The following SSBP1 variants were observed in gnomAD, a reference collection of about 807,000 sequenced individuals.
SSBP1 encodes the protein single-stranded DNA-binding protein, mitochondrial.
SSBP1 carries 20 observed loss-of-function variants against 27.0 expected under a neutral mutation model. The observed-to-expected ratio is 0.74, with a 90% CI of 0.52 to 1.08. The LOEUF is 1.08. SSBP1 is among the 50% of genes least tolerant of loss of function. The probability of loss-of-function intolerance (pLI) is 0.00; values close to 1 mark genes in which losing one functional copy is unlikely to be tolerated. For synonymous variants in SSBP1, 59 were observed against 59.3 expected (o/e 1.00, Z 0.02); for missense variants, 137 against 182.4 (o/e 0.75, Z 1.44).
At chr7:141,749,721 G>A (rs1466037660) in intron 6 of SSBP1, among the ~76,000 whole-genome samples, 1 of 152,208 alleles carries the variant, frequency 6.6e-6, no homozygotes, top group Non-Finnish European at 1.5e-5. Flanking sequence ...GGCAGAGGTT[G>A]CAGTAAGCTG....
chr7:141,738,367 A>C lies in SSBP1; in HGVS notation c.-87A>C, dbSNP rs1210782916. 2 of 152,364 alleles carry C rather than the reference A, an allele frequency of 1.3e-5. No homozygotes were observed. The highest frequency in any genetic ancestry group is 2.9e-5 in the Non-Finnish European group (2 of 68,110). The allele number at this position is 152,364 out of a possible 1,614,324, so 9.4% of individuals were successfully genotyped here. On this transcript the variant is annotated 5_prime_UTR_variant, in exon 1 of 7. Coordinates refer to ENST00000265304, the MANE Select transcript of SSBP1 (RefSeq NM_003143.3). ...GAGCTTTGCGTTCCCTGTGCGCCGG[A>C]AGTGATCCCCTGCGTGGCTGGGCTG... is the stretch of plus-strand genomic sequence containing the variant.
At chr7:141,748,289 A>AT (rs1486866540) in intron 6 of SSBP1, among the ~76,000 whole-genome samples, 1 of 152,052 alleles carries the variant, frequency 6.6e-6, no homozygotes, top group Non-Finnish European at 1.5e-5. Flanking sequence ...ATTACTGTTA[A>AT]TTTTTTTACT....
chr7:141,749,219 G>A (rs755702989), intron 6 of SSBP1, among the ~76,000 whole-genome samples: 3 of 152,148 alleles, frequency 2.0e-5, no homozygotes, highest in Non-Finnish European at 4.4e-5. Context: ...ATGATTTAAA[G>A]TATATAAGAG....
intron 6 of SSBP1, among the ~76,000 whole-genome samples, chr7:141,748,113 G>T (rs774542246): frequency 1.3e-5 from 2 of 151,396 alleles, no homozygotes; most frequent in Non-Finnish European, 2.9e-5. Flanking sequence ...GTCAGCTGAT[G>T]GACAGTGTTA....
At chr7:141,744,493 G>A (rs1297633970) in intron 5 of SSBP1, among the ~76,000 whole-genome samples, 1 of 152,108 alleles carries the variant, frequency 6.6e-6, no homozygotes, top group East Asian at 1.9e-4. Context: ...GTTCCCTTTT[G>A]GAAGGCTTGG....
intron 2 of SSBP1, 122 bp from the exon 3 acceptor site, chr7:141,742,042 GCTTCT>G (rs1799554997): frequency 1.4e-6 from 1 of 715,094 alleles, no homozygotes; most frequent in Admixed American, 2.6e-5. Context: ...CATGAGAAGA[GCTTCT>G]CTTCTCTTCT....
intron 6 of SSBP1, among the ~76,000 whole-genome samples, chr7:141,749,099 G>T (rs1799881759): frequency 6.6e-6 from 1 of 152,056 alleles, no homozygotes; most frequent in African/African-American, 2.4e-5. Context: ...GTGAAAAAAA[G>T]AAACCAATAA....
intron 6 of SSBP1, 173 bp downstream of exon 6, chr7:141,745,757 A>G: frequency 7.4e-7 from 1 of 1,348,234 alleles, no homozygotes; most frequent in Non-Finnish European, 9.6e-7. Context: ...TTGTACATTT[A>G]TCCCTTCCTT....
intron 6 of SSBP1, among the ~76,000 whole-genome samples, chr7:141,748,964 T>TGGTCATGACTATGG (rs1353119554): frequency 7.9e-5 from 12 of 152,206 alleles, no homozygotes; most frequent in African/African-American, 2.9e-4. Context: ...TGAACAAATA[T>TGGTCATGACTATGG]TCAGTCCTTG....
chr7:141,742,164 T>C lies in SSBP1; in HGVS notation c.25-5T>C. ...AAGCCATGTTATTCATTTGTTCTTC[T>C]TTAGGTACTTCGTCAGTTTGTAAGA... On this transcript the variant is annotated splice_region_variant and splice_polypyrimidine_tract_variant and intron_variant, in intron 2 of 6. Coordinates refer to ENST00000265304, the MANE Select transcript of SSBP1 (RefSeq NM_003143.3). 1 of 1,598,500 alleles carries C rather than the reference T, an allele frequency of 6.3e-7. No homozygotes were observed. The highest frequency in any genetic ancestry group is 8.6e-7 in the Non-Finnish European group (1 of 1,167,478).
chr7:141,748,622 T>TC (rs142524008), intron 6 of SSBP1, among the ~76,000 whole-genome samples: 5,454 of 152,318 alleles, frequency 0.036, 227 homozygotes, highest in South Asian at 0.15. Context: ...TTGTTACTAA[T>TC]AAGCCAAACG....
At chr7:141,747,375 C>A (rs979823328) in intron 6 of SSBP1, among the ~76,000 whole-genome samples, 1 of 147,440 alleles carries the variant, frequency 6.8e-6, no homozygotes, top group Non-Finnish European at 1.5e-5. Context: ...GAGATATGCC[C>A]AAATTAGATT....
At chr7:141,748,178 A>G (rs1015403224) in intron 6 of SSBP1, among the ~76,000 whole-genome samples, 1 of 152,064 alleles carries the variant, frequency 6.6e-6, no homozygotes, top group Non-Finnish European at 1.5e-5. Context: ...AACAGATTCT[A>G]GACATAAGTT....
intron 6 of SSBP1, among the ~76,000 whole-genome samples, chr7:141,748,600 C>T (rs1017997593): frequency 2.6e-5 from 4 of 151,948 alleles, no homozygotes; most frequent in East Asian, 1.9e-4. Flanking sequence ...TTAGATTGTT[C>T]GGATTATTGA....
chr7:141,748,306 CGTA>C (rs1275184012), intron 6 of SSBP1, among the ~76,000 whole-genome samples: 1 of 152,044 alleles, frequency 6.6e-6, no homozygotes, highest in African/African-American at 2.4e-5. Flanking sequence ...TACTAAATAT[CGTA>C]GTGTTCAAAT....
chr7:141,739,200 T>G lies in SSBP1; in HGVS notation c.24+10T>G. On this transcript the variant is annotated intron_variant, in intron 2 of 6. Coordinates refer to ENST00000265304, the MANE Select transcript of SSBP1 (RefSeq NM_003143.3). Reference sequence around the variant, plus strand: ...AAGACCTGTATTACAGGTAGTCACTTGTCTGTATTAATACTGAGATGTATT... The same window carrying G: ...AAGACCTGTATTACAGGTAGTCACTGGTCTGTATTAATACTGAGATGTATT... 6.3e-7 allele frequency: 1 copy of G among 1,599,222 alleles called. No homozygotes were observed. The highest frequency in any genetic ancestry group is 8.5e-7 in the Non-Finnish European group (1 of 1,172,536).
At chr7:141,747,538 C>T (rs376593251) in intron 6 of SSBP1, among the ~76,000 whole-genome samples, 60 of 151,408 alleles carry the variant, frequency 4.0e-4, no homozygotes, top group South Asian at 8.4e-4. Flanking sequence ...TACAGGCACG[C>T]GCCACCACGC....
At chr7:141,742,604 T>A (rs1799585350) in intron 3 of SSBP1, among the ~76,000 whole-genome samples, 1 of 152,194 alleles carries the variant, frequency 6.6e-6, no homozygotes, top group South Asian at 2.1e-4. Flanking sequence ...ATTTGTTCTT[T>A]TAGCTCCACA....
chr7:141,739,842 C>A (rs939601887), intron 2 of SSBP1: 1 of 152,200 alleles, frequency 6.6e-6, no homozygotes, highest in African/African-American at 2.4e-5. Flanking sequence ...GTCATTTTCC[C>A]CACCTTAATC....
Sources: gnomAD v4.1 joint callset for allele counts (sites outside exome capture counted in the v4.1 genomes callset) on GRCh38, gnomAD v4.1.1 for gene constraint, MANE v1.5 for transcripts, NCBI Gene and HGNC (gene_info 2026-07-23, HGNC 2026-07-21) for gene names.